The following LIPC variants were observed in gnomAD, a reference collection of about 807,000 sequenced individuals.
The protein encoded by LIPC is hepatic triacylglycerol lipase.
Under a neutral mutation model 50.7 loss-of-function variants are expected in LIPC, and 44 were observed. The ratio of observed to expected loss-of-function variants is 0.87; its 90% CI spans 0.68 to 1.11. LIPC has a LOEUF of 1.11. LIPC is among the 50% of genes most tolerant of loss of function. LIPC has a pLI of 0.00. For missense variants in LIPC, 697 were observed against 648.2 expected (o/e 1.08, Z -0.82); for synonymous variants, 271 against 256.4 (o/e 1.06, Z -0.54).
intron 1 of LIPC, among the ~76,000 whole-genome samples, chr15:58,501,566 T>C (rs1183536346): frequency 1.3e-5 from 2 of 152,170 alleles, no homozygotes; most frequent in Non-Finnish European, 2.9e-5. Flanking sequence ...TAATTAGCTT[T>C]AGTTTTTATA....
At chr15:58,541,368 C>T (rs183222042) in intron 2 of LIPC, among the ~76,000 whole-genome samples, 2 of 151,834 alleles carry the variant, frequency 1.3e-5, no homozygotes, top group Admixed American at 6.6e-5. Flanking sequence ...CAGAAGGAGG[C>T]GTACAAATGG....
intron 7 of LIPC, among the ~76,000 whole-genome samples, chr15:58,562,788 G>A (rs1894208264): frequency 6.8e-6 from 1 of 147,988 alleles, no homozygotes. Context: ...GAAGAGCTAT[G>A]CCAAGCCACA....
At chr15:58,495,576 C>A (rs1316357685) in intron 1 of LIPC, among the ~76,000 whole-genome samples, 1 of 152,232 alleles carries the variant, frequency 6.6e-6, no homozygotes, top group Admixed American at 6.5e-5. Context: ...TAAAACTTCA[C>A]AGCAACGCTG....
chr15:58,451,080 A>G (rs953908690), intron 1 of LIPC, among the ~76,000 whole-genome samples: 1 of 152,164 alleles, frequency 6.6e-6, no homozygotes, highest in Non-Finnish European at 1.5e-5. Context: ...CCTCCCCATC[A>G]AAGCCTAGTG....
intron 1 of LIPC, among the ~76,000 whole-genome samples, chr15:58,533,434 C>T (rs8037149): frequency 0.32 from 48,747 of 151,950 alleles, 8,083 homozygotes; most frequent in Admixed American, 0.43. Flanking sequence ...TAGGATCACA[C>T]GTAAGGAACT....
chr15:58,502,488 T>C (rs190722447), intron 1 of LIPC, among the ~76,000 whole-genome samples: 19 of 148,098 alleles, frequency 1.3e-4, no homozygotes, highest in African/African-American at 4.2e-4. Context: ...AAATTTTGCA[T>C]TGAATTCCAT....
rs1224283820 is a variant in LIPC, at chr15:58,519,943, T to C, written c.89-18390T>C. Among the ~76,000 whole-genome samples, 4 of 152,316 alleles carry C rather than the reference T, an allele frequency of 2.6e-5. No homozygotes were observed. In the East Asian group the frequency reaches 7.7e-4, roughly 29 times the overall value. On this transcript the variant is annotated intron_variant, in intron 1 of 8. Transcript: ENST00000299022. Reference sequence around the variant, plus strand: ...GCTGCTATTTGCTCCTTGCTATCTTTTATTCTTCTCTTTTGAAACTGGCCG... The same window carrying C: ...GCTGCTATTTGCTCCTTGCTATCTTCTATTCTTCTCTTTTGAAACTGGCCG...
intron 1 of LIPC, among the ~76,000 whole-genome samples, chr15:58,535,997 A>G (rs148076190): frequency 0.012 from 1,784 of 152,306 alleles, 16 homozygotes; most frequent in Non-Finnish European, 0.018. Flanking sequence ...ACATTTATTG[A>G]GCACCCACCA....
At chr15:58,446,143 A>G (rs886101481) in intron 1 of LIPC, among the ~76,000 whole-genome samples, 1 of 152,256 alleles carries the variant, frequency 6.6e-6, no homozygotes, top group African/African-American at 2.4e-5. Context: ...ACACACATAC[A>G]TATCCCATAT....
At chr15:58,520,112 G>GTTTTTTTTTTTT (rs10631480) in intron 1 of LIPC, among the ~76,000 whole-genome samples, 1 of 123,538 alleles carries the variant, frequency 8.1e-6, no homozygotes, top group Non-Finnish European at 1.7e-5. Context: ...GTTTTGGGCT[G>GTTTTTTTTTTTT]TTTTTTTTTT....
intron 1 of LIPC, chr15:58,436,909 C>T: frequency 2.2e-6 from 1 of 453,802 alleles, no homozygotes; most frequent in Non-Finnish European, 4.4e-6. Context: ...TCAAAAAAGA[C>T]CATCTAGGAA....
intron 6 of LIPC, among the ~76,000 whole-genome samples, chr15:58,554,639 A>C (rs1893870923): frequency 1.3e-5 from 2 of 151,964 alleles, no homozygotes; most frequent in Admixed American, 1.3e-4. Flanking sequence ...TCACACCTGT[A>C]ATCCTAACAC....
At chr15:58,465,893 G>A (rs1212873695) in intron 1 of LIPC, among the ~76,000 whole-genome samples, 1 of 152,172 alleles carries the variant, frequency 6.6e-6, no homozygotes, top group African/African-American at 2.4e-5. Flanking sequence ...AGCCCTCGAT[G>A]TCTACCGTTT....
At chr15:58,564,029 G>A in intron 8 of LIPC, 1 of 430,608 alleles carries the variant, frequency 2.3e-6, no homozygotes, top group South Asian at 2.1e-5. Context: ...CTTCGGTGCA[G>A]GTGAATCACC....
chr15:58,534,330 G>C (rs1893048098), intron 1 of LIPC, among the ~76,000 whole-genome samples: 1 of 152,112 alleles, frequency 6.6e-6, no homozygotes, highest in Non-Finnish European at 1.5e-5. Flanking sequence ...GCTTCCCTTA[G>C]GATGCCCAAG....
At chr15:58,491,655 G>C (rs767408713) in intron 1 of LIPC, among the ~76,000 whole-genome samples, 9 of 152,220 alleles carry the variant, frequency 5.9e-5, no homozygotes, top group Non-Finnish European at 1.3e-4. Flanking sequence ...CTGTCAGGCA[G>C]CAACAACTTC....
chr15:58,539,805 T>C (rs1374868331), intron 2 of LIPC, among the ~76,000 whole-genome samples: 1 of 152,166 alleles, frequency 6.6e-6, no homozygotes, highest in East Asian at 1.9e-4. Flanking sequence ...CTTGGCTTAG[T>C]CTGTGCCCTC....
chr15:58,466,780 T>A (rs192668041), intron 1 of LIPC, among the ~76,000 whole-genome samples: 1 of 152,216 alleles, frequency 6.6e-6, no homozygotes, highest in Non-Finnish European at 1.5e-5. Flanking sequence ...GCATTTTACC[T>A]CCTGCAAAGC....
intron 1 of LIPC, among the ~76,000 whole-genome samples, chr15:58,509,959 T>A: frequency 6.6e-6 from 1 of 151,044 alleles, no homozygotes; most frequent in Non-Finnish European, 1.5e-5. Flanking sequence ...ATTGAATCAT[T>A]AAAAAAAAAA....
Sources: allele counts gnomAD v4.1 joint callset (sites outside exome capture counted in the v4.1 genomes callset), GRCh38; gene constraint gnomAD v4.1.1; transcripts MANE v1.5; gene names NCBI Gene and HGNC (gene_info 2026-07-23, HGNC 2026-07-21).